Variants in CNTN4 observed in about 807,000 individuals in gnomAD.
CNTN4 encodes the protein contactin-4.
Under a neutral mutation model 122.5 loss-of-function variants are expected in CNTN4, and 77 were observed. That is an observed-to-expected ratio of 0.63 (90% CI 0.52 to 0.76). The LOEUF (loss-of-function observed/expected upper bound fraction) is 0.76. Among genes scored for constraint, CNTN4 ranks in the 30% least tolerant of loss-of-function variants. The probability of loss-of-function intolerance (pLI) is 0.00; values close to 1 mark genes in which losing one functional copy is unlikely to be tolerated. For synonymous variants in CNTN4, 512 were observed against 447.0 expected, an observed-to-expected ratio of 1.15 and a Z score of -1.83; for missense variants, 1,256 against 1,259.1, an observed-to-expected ratio of 1.00 and a Z score of 0.04.
intron 7 of CNTN4, among the ~76,000 whole-genome samples, chr3:2,838,174 A>G (rs1027533091): frequency 3.9e-5 from 6 of 152,210 alleles, no homozygotes; most frequent in Non-Finnish European, 7.3e-5. Flanking sequence ...TGAATATCTA[A>G]GTAGATCCAT....
intron 3 of CNTN4, among the ~76,000 whole-genome samples, chr3:2,489,776 C>T (rs2076262293): frequency 1.3e-5 from 2 of 152,168 alleles, no homozygotes; most frequent in Non-Finnish European, 2.9e-5. Flanking sequence ...GGAATTTAGT[C>T]TTTTTCTTCT....
intron 4 of CNTN4, among the ~76,000 whole-genome samples, chr3:2,592,283 C>A (rs567086271): frequency 6.6e-6 from 1 of 152,084 alleles, no homozygotes; most frequent in Non-Finnish European, 1.5e-5. Flanking sequence ...TGAATATCTT[C>A]GAGACCTGTA....
chr3:2,891,652 C>G (rs1489250267), intron 10 of CNTN4, among the ~76,000 whole-genome samples: 1 of 152,164 alleles, frequency 6.6e-6, no homozygotes, highest in East Asian at 1.9e-4. Context: ...AGGCAGAAAA[C>G]TACTTGACTT....
At chr3:2,650,491 G>C (rs966027300) in intron 4 of CNTN4, among the ~76,000 whole-genome samples, 2 of 152,172 alleles carry the variant, frequency 1.3e-5, no homozygotes, top group Non-Finnish European at 2.9e-5. Flanking sequence ...ATTGGCTTCA[G>C]TTTGAAAAGA....
intron 4 of CNTN4, among the ~76,000 whole-genome samples, chr3:2,615,939 T>C (rs1237319903): frequency 6.6e-6 from 1 of 151,666 alleles, no homozygotes; most frequent in African/African-American, 2.4e-5. Flanking sequence ...ATTCCTTAAA[T>C]AACTTTTAAA....
At chr3:2,906,187 CG>C (rs2094229732) in intron 12 of CNTN4, among the ~76,000 whole-genome samples, 1 of 150,658 alleles carries the variant, frequency 6.6e-6, no homozygotes, top group East Asian at 2.0e-4. Context: ...GGGGAATCGG[CG>C]GGGGAGGGTT....
intron 3 of CNTN4, among the ~76,000 whole-genome samples, chr3:2,384,734 C>T (rs749821388): frequency 4.6e-5 from 7 of 151,536 alleles, no homozygotes; most frequent in Admixed American, 1.3e-4. Flanking sequence ...GTCCCTGGCT[C>T]CTACACCAGT....
chr3:2,316,510 A>G (rs2043104359), intron 2 of CNTN4, among the ~76,000 whole-genome samples: 1 of 152,148 alleles, frequency 6.6e-6, no homozygotes, highest in Non-Finnish European at 1.5e-5. Flanking sequence ...TATAAAGAAT[A>G]TTCGGGCAGT....
intron 3 of CNTN4, among the ~76,000 whole-genome samples, chr3:2,520,484 G>C (rs1400255725): frequency 6.6e-6 from 1 of 151,736 alleles, no homozygotes; most frequent in Admixed American, 6.6e-5. Flanking sequence ...ATGTTGGCCA[G>C]GCTGGTCTCG....
chr3:2,819,677 A>G (rs748477704), intron 7 of CNTN4, 96 bp downstream of exon 7: 2 of 912,956 alleles, frequency 2.2e-6, no homozygotes, highest in Non-Finnish European at 3.6e-6. Context: ...GCACAGTGTC[A>G]TTTATAGAGA....
At chr3:2,998,802 G>A (rs750174949) in intron 14 of CNTN4, among the ~76,000 whole-genome samples, 8 of 152,138 alleles carry the variant, frequency 5.3e-5, no homozygotes, top group Non-Finnish European at 8.8e-5. Flanking sequence ...TGGAAAATAG[G>A]CAAATACTTT....
At chr3:2,202,865 C>G (rs977611115) in intron 2 of CNTN4, among the ~76,000 whole-genome samples, 1 of 151,884 alleles carries the variant, frequency 6.6e-6, no homozygotes, top group Non-Finnish European at 1.5e-5. Context: ...ACTCTGTCAC[C>G]CAGGCTGGAG....
At chr3:2,465,703 A>T (rs1482642801) in intron 3 of CNTN4, among the ~76,000 whole-genome samples, 1 of 152,088 alleles carries the variant, frequency 6.6e-6, no homozygotes, top group Non-Finnish European at 1.5e-5. Context: ...CAAATAAAAA[A>T]ATAAAATAAA....
At chr3:2,598,533 T>C (rs1405942864) in intron 4 of CNTN4, among the ~76,000 whole-genome samples, 1 of 152,206 alleles carries the variant, frequency 6.6e-6, no homozygotes, top group Non-Finnish European at 1.5e-5. Flanking sequence ...TGTGTATTTT[T>C]GCACACATTC....
chr3:2,730,125 T>C (rs1372288829), intron 4 of CNTN4, among the ~76,000 whole-genome samples: 1 of 152,104 alleles, frequency 6.6e-6, no homozygotes, highest in Non-Finnish European at 1.5e-5. Context: ...CTTTGGTTTT[T>C]TGTGGGGGGT....
At chr3:2,834,302 C>A (rs569455202) in intron 7 of CNTN4, among the ~76,000 whole-genome samples, 2 of 152,058 alleles carry the variant, frequency 1.3e-5, no homozygotes, top group Admixed American at 1.3e-4. Flanking sequence ...TAGTGGCTCA[C>A]GCCTGTAATC....
At chr3:2,891,871 G>A in intron 10 of CNTN4, among the ~76,000 whole-genome samples, 1 of 152,200 alleles carries the variant, frequency 6.6e-6, no homozygotes, top group East Asian at 1.9e-4. Flanking sequence ...AGACCGCTCA[G>A]GTTGTTTTGT....
rs73805000 is a variant in CNTN4, at chr3:2,298,470, A to G, written c.-144-40708A>G. Among the ~76,000 whole-genome samples the G allele has an allele frequency of 2.2e-3, 331 of 152,246 alleles. 5 individuals are homozygous for G. The highest frequency in any genetic ancestry group is 7.6e-3 in the African/African-American group (314 of 41,558). Reference sequence around the variant, plus strand: ...TTCCCAATTGCATTCTGTGTATATCAAAATGCCCTTGAAAAAAATGGAATT... The same window carrying G: ...TTCCCAATTGCATTCTGTGTATATCGAAATGCCCTTGAAAAAAATGGAATT... On this transcript the variant is annotated intron_variant, in intron 2 of 24. Coordinates refer to ENST00000418658, the MANE Select transcript of CNTN4 (RefSeq NM_175607.3).
intron 3 of CNTN4, among the ~76,000 whole-genome samples, chr3:2,432,247 A>G (rs999375775): frequency 2.6e-5 from 4 of 152,180 alleles, no homozygotes; most frequent in Non-Finnish European, 5.9e-5. Context: ...TCTCCCTTCC[A>G]TCACTGTGCT....
Sources: allele counts gnomAD v4.1 joint callset (sites outside exome capture counted in the v4.1 genomes callset), GRCh38; gene constraint gnomAD v4.1.1; transcripts MANE v1.5; gene names NCBI Gene and HGNC (gene_info 2026-07-23, HGNC 2026-07-21).